The following ERICH3 variants were observed in gnomAD, a reference collection of about 807,000 sequenced individuals.
ERICH3 encodes glutamate rich 3.
A neutral mutation model predicts 131.1 loss-of-function variants in ERICH3; 126 were observed. The observed-to-expected ratio is 0.96, with a 90% CI of 0.83 to 1.11. The LOEUF (loss-of-function observed/expected upper bound fraction) is 1.11. ERICH3 is among the 50% of genes most tolerant of loss of function. ERICH3 has a pLI of 0.00. For missense variants in ERICH3, 2,050 were observed against 1,810.7 expected (o/e 1.13, Z -2.40); for synonymous variants, 695 against 644.6 (o/e 1.08, Z -1.18).
chr1:74,636,588 C>A (rs922936510), intron 5 of ERICH3, 150 bp from the exon 6 acceptor site: 6 of 721,692 alleles, frequency 8.3e-6, no homozygotes, highest in African/African-American at 7.0e-5. Context: ...ATTATACATA[C>A]CCTTATGACC....
At chr1:74,583,441 C>T (rs1188711769) in intron 12 of ERICH3, among the ~76,000 whole-genome samples, 2 of 151,970 alleles carry the variant, frequency 1.3e-5, no homozygotes, top group Non-Finnish European at 2.9e-5. Context: ...AAAATTATAA[C>T]AATATACTAC....
In ERICH3 at chr1:74,572,829, C is replaced by G. The variant is rs757938854; in HGVS notation, c.2881G>C (p.Asp961His). 2 of 1,613,828 alleles carry G rather than the reference C, an allele frequency of 1.2e-6. No individual in the cohort carries two copies. The highest frequency in any genetic ancestry group is 1.1e-5 in the South Asian group (1 of 91,080). Reference sequence around the variant, plus strand: ...CCGTCCTCTCTCTTTGATGCTGTGTCCTCCATGGGTCCTGTGTCCTCTAGG... The same window carrying G: ...CCGTCCTCTCTCTTTGATGCTGTGTGCTCCATGGGTCCTGTGTCCTCTAGG... ...IDLEDTGPME[D>H]TASKREDGSE... Residue 961 changes from aspartate to histidine, a missense_variant, in exon 14 of 15, where the codon GAC becomes CAC. Physicochemically the swap from Asp to His is moderately conservative, Grantham distance 81. Coordinates refer to ENST00000326665, the MANE Select transcript of ERICH3 (RefSeq NM_001002912.5).
intron 11 of ERICH3, 26 bp downstream of exon 11, chr1:74,599,669 G>A (rs980255572): frequency 4.5e-6 from 7 of 1,540,284 alleles, no homozygotes; most frequent in Non-Finnish European, 6.2e-6. Context: ...AACAGCCTAT[G>A]TTACATGATA....
intron 1 of ERICH3, among the ~76,000 whole-genome samples, chr1:74,660,810 G>A (rs1027716714): frequency 6.6e-6 from 1 of 151,550 alleles, no homozygotes; most frequent in African/African-American, 2.4e-5. Context: ...GTACCTAATG[G>A]CTGTCAGTGA....
At chr1:74,613,150 T>A (rs1006688732) in intron 8 of ERICH3, among the ~76,000 whole-genome samples, 1 of 152,236 alleles carries the variant, frequency 6.6e-6, no homozygotes, top group African/African-American at 2.4e-5. Context: ...GATCATCTTT[T>A]AATTTGAGGA....
At chr1:74,571,021 G>A (rs1421012997) in intron 14 of ERICH3, 78 bp downstream of exon 14, 1 of 1,500,372 alleles carries the variant, frequency 6.7e-7, no homozygotes, top group Non-Finnish European at 8.9e-7. Context: ...CCAATAAAGG[G>A]ACAAGCCAGC....
At chr1:74,639,450 A>G (rs1026224402) in intron 5 of ERICH3, among the ~76,000 whole-genome samples, 2 of 152,176 alleles carry the variant, frequency 1.3e-5, no homozygotes, top group Admixed American at 6.5e-5. Context: ...TGAGCTACAA[A>G]TTGTTGTAGT....
At chr1:74,628,257 A>G (rs1390807691) in intron 7 of ERICH3, among the ~76,000 whole-genome samples, 2 of 152,174 alleles carry the variant, frequency 1.3e-5, no homozygotes, top group Non-Finnish European at 2.9e-5. Flanking sequence ...TAAACACTGA[A>G]TAACATCATG....
chr1:74,597,949 A>G (rs781091052), intron 11 of ERICH3, among the ~76,000 whole-genome samples: 1 of 151,960 alleles, frequency 6.6e-6, no homozygotes, highest in African/African-American at 2.4e-5. Flanking sequence ...CAAACTCCTA[A>G]CATCTAGTGA....
intron 1 of ERICH3, among the ~76,000 whole-genome samples, chr1:74,666,728 T>A (rs1459113926): frequency 1.3e-5 from 2 of 152,184 alleles, no homozygotes; most frequent in Non-Finnish European, 2.9e-5. Context: ...TCCTATCTTA[T>A]GTTTGGGTCG....
chr1:74,582,716 T>C (rs1647200636), intron 12 of ERICH3, among the ~76,000 whole-genome samples: 2 of 152,198 alleles, frequency 1.3e-5, no homozygotes, highest in South Asian at 4.1e-4. Flanking sequence ...CTAGTCAAGA[T>C]GCAAATTGAA....
chr1:74,570,842 C>T (rs1203556405), intron 14 of ERICH3, among the ~76,000 whole-genome samples: 10 of 152,162 alleles, frequency 6.6e-5, no homozygotes, highest in Non-Finnish European at 1.0e-4. Flanking sequence ...GATCTCACTA[C>T]TTCAGGGAGC....
chr1:74,657,134 A>G lies in ERICH3; in HGVS notation c.24-7819T>C, dbSNP rs140878766. Among the ~76,000 whole-genome samples the G allele has an allele frequency of 3.9e-3, 600 of 152,330 alleles. 2 individuals carry two copies. The highest frequency in any genetic ancestry group is 0.014 in the African/African-American group (578 of 41,580). The stretch of plus-strand genomic sequence containing the variant: ...TCTGGACAATAAATAGAAGTAGTCT[A>G]TGGCAGAAGCATATTTTATGTATTT... On this transcript the variant is annotated intron_variant, in intron 1 of 14. Transcript: ENST00000326665.
At chr1:74,664,441 G>A (rs1398546607) in intron 1 of ERICH3, among the ~76,000 whole-genome samples, 1 of 151,846 alleles carries the variant, frequency 6.6e-6, no homozygotes, top group Non-Finnish European at 1.5e-5. Flanking sequence ...AAATATCTTG[G>A]AGCAAGCAAT....
chr1:74,585,194 G>A (rs528939093), intron 12 of ERICH3, among the ~76,000 whole-genome samples: 97 of 152,112 alleles, frequency 6.4e-4, no homozygotes, highest in Non-Finnish European at 1.3e-3. Context: ...TGCCAAGATT[G>A]TGTCACAATG....
intron 12 of ERICH3, chr1:74,586,309 C>CA: frequency 2.6e-6 from 2 of 782,910 alleles, no homozygotes; most frequent in Non-Finnish European, 3.1e-6. Flanking sequence ...TCCATCTATA[C>CA]ATAAAAATAA....
chr1:74,586,272 G>T, intron 12 of ERICH3: 1 of 525,914 alleles, frequency 1.9e-6, no homozygotes, highest in Non-Finnish European at 2.4e-6. Context: ...AAAAAAGCAA[G>T]TCTCAGAACA....
intron 8 of ERICH3, among the ~76,000 whole-genome samples, chr1:74,618,271 A>G (rs1649066468): frequency 6.6e-6 from 1 of 152,236 alleles, no homozygotes. Flanking sequence ...AGTCAGTGAG[A>G]AAGCTGCACA....
intron 3 of ERICH3, among the ~76,000 whole-genome samples, chr1:74,643,833 G>A (rs947249291): frequency 4.1e-4 from 62 of 151,958 alleles, no homozygotes; most frequent in Admixed American, 3.8e-3. Flanking sequence ...CCTGTTTTTC[G>A]CTTGTTTTTT....
Sources: gnomAD v4.1 joint callset for allele counts (sites outside exome capture counted in the v4.1 genomes callset) on GRCh38, gnomAD v4.1.1 for gene constraint, MANE v1.5 for transcripts, NCBI Gene and HGNC (gene_info 2026-07-23, HGNC 2026-07-21) for gene names.